The following ZNF462 variants were observed in gnomAD, a reference collection of about 807,000 sequenced individuals.
ZNF462 encodes the protein zinc finger protein 462, also known as zinc finger PBX1-interacting protein.
A neutral mutation model predicts 201.9 loss-of-function variants in ZNF462; 10 were observed. The observed-to-expected ratio is 0.05, with a 90% confidence interval of 0.03 to 0.08. The LOEUF is 0.08. Ranked by LOEUF, ZNF462 falls within the 10% of genes least tolerant of loss-of-function variation. The pLI is 1.00. For missense variants in ZNF462, 2,523 were observed against 3,168.3 expected (o/e 0.80, Z 4.89); for synonymous variants, 1,227 against 1,193.3 (o/e 1.03, Z -0.58).
chr9:107,003,463 T>A lies in ZNF462; in HGVS notation c.7189+37T>A. ...CCTGCCCTCCCAATCCCAGATGGCA[T>A]CTGGCATGTCCGTAGTGAGACAGAA... On this transcript the variant is annotated intron_variant, in intron 11 of 12. Coordinates refer to ENST00000277225, the MANE Select transcript of ZNF462 (RefSeq NM_021224.6). The surrounding 1 kb of genome is among the most constrained non-coding windows in gnomAD (Gnocchi z 4.4). 6.2e-7 allele frequency: 1 copy of A among 1,610,250 alleles called. No individual in the cohort carries two copies.
chr9:106,911,542 T>G (rs887911539), intron 1 of ZNF462, among the ~76,000 whole-genome samples: 2 of 152,232 alleles, frequency 1.3e-5, no homozygotes, highest in African/African-American at 4.8e-5. Context: ...TGGAACTCAA[T>G]AATTTGCATT....
At chr9:106,887,873 G>A (rs1381649184) in intron 1 of ZNF462, among the ~76,000 whole-genome samples, 11 of 152,190 alleles carry the variant, frequency 7.2e-5, no homozygotes, top group East Asian at 1.9e-4. Flanking sequence ...AAATTTTCTC[G>A]TAACACGACC....
rs1343725537 is a variant in ZNF462 at position 106,876,067 on chromosome 9, G to A, written c.-31+12712G>A. ...GTGAAAATGCAGTTCTCTGTGCAGG[G>A]GTCTCTGTTAAGAAAGTGATGTGTA... is the stretch of plus-strand genomic sequence containing the variant. On this transcript the variant is annotated intron_variant, in intron 1 of 12. Coordinates refer to ENST00000277225, the MANE Select transcript of ZNF462 (RefSeq NM_021224.6). The surrounding 1 kb of genome is among the most constrained non-coding windows in gnomAD (Gnocchi z 4.9). Among the ~76,000 whole-genome samples, 1 of 152,006 alleles carries A rather than the reference G, an allele frequency of 6.6e-6. No homozygotes were observed. The highest frequency in any genetic ancestry group is 2.4e-5 in the African/African-American group (1 of 41,376).
Position 106,925,896 on chromosome 9 carries a change from A to G in ZNF462, c.1984A>G (p.Ile662Val), listed in dbSNP as rs1478691590. Residue 662 changes from isoleucine (I) to valine (V), a missense_variant, in exon 3 of 13, where the codon ATT becomes GTT. Physicochemically the swap from Ile to Val is conservative, Grantham distance 29. Around this residue, in one of 15 missense-constraint regions of ZNF462, gnomAD observed 383 missense variants for 453.4 expected, o/e 0.84. Transcript: ENST00000277225. This position sits in a 1 kb window ranked among gnomAD's most constrained non-coding sequence, Gnocchi z 7.9. ...CACTGTGAAGAAAAGTCAGACCTCA[A>G]TTCTTGGGTTGTCCTCCAAGAACAA... ...SNTVKKSQTS[I>V]LGLSSKNNFV... is the part of the protein sequence containing the mutation. 2.5e-6 allele frequency: 4 copies of G among 1,614,100 alleles called. No individual in the cohort carries two copies. The highest frequency in any genetic ancestry group is 2.7e-5 in the African/African-American group (2 of 74,936).
chr9:106,934,553 C>A (rs1366716486), intron 5 of ZNF462, among the ~76,000 whole-genome samples: 3 of 152,124 alleles, frequency 2.0e-5, no homozygotes, highest in Non-Finnish European at 4.4e-5. Flanking sequence ...GTAGAAAACT[C>A]TCTGATGGGT....
rs538876696 is a variant in ZNF462, at chr9:106,917,279, C to A, written c.-30-6075C>A. On this transcript the variant is annotated intron_variant, in intron 1 of 12. Transcript: ENST00000277225. This position sits in a 1 kb window ranked among gnomAD's most constrained non-coding sequence, Gnocchi z 4.5. ...AGGTATCTATTAAGAAATAGTACTC[C>A]AGCATACTCTGTAGTACTTGAAAAC... 2.0e-5 allele frequency among the ~76,000 whole-genome samples: 3 copies of A among 152,282 alleles called. No individual in the cohort carries two copies. Among genetic ancestry groups the A allele is most frequent in the African/African-American group, 7.2e-5 (3 of 41,562 alleles).
At chr9:106,944,510 A>G (rs1303315830) in intron 7 of ZNF462, among the ~76,000 whole-genome samples, 1 of 152,182 alleles carries the variant, frequency 6.6e-6, no homozygotes, top group Non-Finnish European at 1.5e-5. Context: ...ATGATGTGTA[A>G]TGATTAAATT....
At chr9:106,946,163 C>A (rs1831097531) in intron 7 of ZNF462, among the ~76,000 whole-genome samples, 3 of 152,188 alleles carry the variant, frequency 2.0e-5, no homozygotes, top group Non-Finnish European at 4.4e-5. Context: ...TAGTTCCCAG[C>A]AACACTGGAG....
chr9:106,929,715 C>A lies in ZNF462; in HGVS notation c.5803C>A (p.Gln1935Lys). 6.2e-7 allele frequency: 1 copy of A among 1,613,982 alleles called. No individual in the cohort carries two copies. The change falls in exon 3 of 13, where the codon CAG becomes AAG. Residue 1935 changes from glutamine to lysine, a missense_variant. Coordinates refer to ENST00000277225, the MANE Select transcript of ZNF462 (RefSeq NM_021224.6). The surrounding 1 kb of genome is among the most constrained non-coding windows in gnomAD (Gnocchi z 8.7). ...GAGGAGGAAACAGCTTTTGAGCAAG[C>A]AGAAATATGCAGATGGTGCTTTTGC... ...QERRKQLLSK[Q>K]KYADGAFADF...
chr9:106,911,610 C>T lies in ZNF462; in HGVS notation c.-30-11744C>T, dbSNP rs944453482. On this transcript the variant is annotated intron_variant, in intron 1 of 12. Transcript: ENST00000277225. Reference sequence around the variant, plus strand: ...TGGTCCAGGGATTAGACTTTGAGAACCACTGTCGTAAAGGATGGGAATTAC... The same window carrying T: ...TGGTCCAGGGATTAGACTTTGAGAATCACTGTCGTAAAGGATGGGAATTAC... Among the ~76,000 whole-genome samples the T allele has an allele frequency of 9.4e-4, 143 of 152,214 alleles. 1 individual carries two copies. Among genetic ancestry groups the T allele is most frequent in the African/African-American group, 3.4e-3 (139 of 41,450 alleles).
At chr9:106,961,196 G>A (rs896922754) in intron 7 of ZNF462, among the ~76,000 whole-genome samples, 1 of 152,062 alleles carries the variant, frequency 6.6e-6, no homozygotes, top group Non-Finnish European at 1.5e-5. Context: ...GAGGGATAGA[G>A]AGCTGCATAC....
At chr9:106,951,588 G>A (rs1298823005) in intron 7 of ZNF462, among the ~76,000 whole-genome samples, 1 of 152,150 alleles carries the variant, frequency 6.6e-6, no homozygotes, top group Non-Finnish European at 1.5e-5. Flanking sequence ...TAAAGCCACT[G>A]TTAATAAAGT....
intron 9 of ZNF462, among the ~76,000 whole-genome samples, chr9:106,976,872 G>A (rs1174831783): frequency 1.3e-5 from 2 of 152,192 alleles, no homozygotes; most frequent in African/African-American, 4.8e-5. Context: ...CTAACAACTT[G>A]ACGAACATGA....
At position 107,012,567 on chromosome 9, in the gene ZNF462, C is replaced by T. The variant is rs993176477; in HGVS notation, c.*1537C>T. The T allele has an allele frequency of 2.2e-4, 33 of 148,214 alleles. No homozygotes were observed. Among genetic ancestry groups the T allele is most frequent in the African/African-American group, 6.9e-4 (28 of 40,304 alleles). The allele number at this position is 148,214 out of a possible 1,614,324, so 9.2% of individuals were successfully genotyped here. A position where few individuals can be genotyped will look rare whatever the true frequency, so the allele number is the denominator to read the frequency against. ...ATTTATAATATGTTCTGATTGTGAA[C>T]AAAGGGTTTCGTTCCAAAAAATAGA... On this transcript the variant is annotated 3_prime_UTR_variant, in exon 13 of 13. Coordinates refer to ENST00000277225, the MANE Select transcript of ZNF462 (RefSeq NM_021224.6).
At chr9:106,887,831 A>C (rs2131009405) in intron 1 of ZNF462, among the ~76,000 whole-genome samples, 1 of 152,322 alleles carries the variant, frequency 6.6e-6, no homozygotes, top group South Asian at 2.1e-4. Context: ...TACATAGTTT[A>C]TGTAGTACAT....
chr9:106,987,024 GATAGATAGA>G (rs1564154224), intron 10 of ZNF462, among the ~76,000 whole-genome samples: 10 of 147,500 alleles, frequency 6.8e-5, no homozygotes, highest in African/African-American at 2.5e-4. Context: ...TAGATAGATA[GATAGATAGA>G]TAGATATCAC....
Position 106,972,344 on chromosome 9 carries a change from C to G in ZNF462, c.6695+72C>G. The G allele has an allele frequency of 6.5e-7, 1 of 1,548,072 alleles. No individual in the cohort carries two copies. The highest frequency in any genetic ancestry group is 2.3e-5 in the East Asian group (1 of 44,380). ...GCTCCACCCCTCACTGCAGGCTTCC[C>G]TTACACTTTCCTACTTGGAGCTTAT... is the stretch of plus-strand genomic sequence containing the variant. On this transcript the variant is annotated intron_variant, in intron 8 of 12. Coordinates refer to ENST00000277225, the MANE Select transcript of ZNF462 (RefSeq NM_021224.6). The surrounding 1 kb of genome is among the most constrained non-coding windows in gnomAD (Gnocchi z 4.8).
Position 106,966,898 on chromosome 9 carries a change from CCAAGGTA to C in ZNF462, c.6428-5105_6428-5099del, listed in dbSNP as rs1325573132. The stretch of plus-strand genomic sequence containing the variant: ...ATATAATTAAATGTACTCGCTGGCA[CCAAGGTA>C]CTTCTGTTCCCTTTCACCTTCACTC... On this transcript the variant is annotated intron_variant, in intron 7 of 12. Transcript: ENST00000277225. The surrounding 1 kb of genome is among the most constrained non-coding windows in gnomAD (Gnocchi z 4.4). Among the ~76,000 whole-genome samples, 2 of 152,104 alleles carry C rather than the reference CCAAGGTA, an allele frequency of 1.3e-5. No homozygotes were observed. Among genetic ancestry groups the C allele is most frequent in the African/African-American group, 4.8e-5 (2 of 41,430 alleles).
At chr9:106,959,812 C>T (rs905242228) in intron 7 of ZNF462, among the ~76,000 whole-genome samples, 16 of 152,094 alleles carry the variant, frequency 1.1e-4, no homozygotes, top group African/African-American at 3.9e-4. Context: ...GAACCTGGAT[C>T]TCACTACCTG....
Sources: gnomAD v4.1 joint callset for allele counts (sites outside exome capture counted in the v4.1 genomes callset) on GRCh38, gnomAD v4.1.1 for gene constraint, gnomAD v4.1.1 regional missense constraint, Gnocchi (gnomAD v3.1) non-coding constraint, MANE v1.5 for transcripts, NCBI Gene and HGNC (gene_info 2026-07-23, HGNC 2026-07-21) for gene names.